Variants in MCCC1 observed in about 807,000 individuals in gnomAD.
MCCC1 encodes the protein methylcrotonoyl-CoA carboxylase subunit alpha, mitochondrial.
MCCC1 carries 64 observed loss-of-function variants against 83.8 expected under a neutral mutation model. The observed-to-expected ratio is 0.76, with a 90% CI of 0.62 to 0.94. The LOEUF is 0.94. Among genes scored for constraint, MCCC1 ranks in the 40% least tolerant of loss-of-function variants. MCCC1 has a pLI of 0.00. For missense variants in MCCC1, 807 were observed against 904.7 expected (o/e 0.89, Z 1.39); for synonymous variants, 322 against 315.4 (o/e 1.02, Z -0.22).
chr3:183,074,344 CA>C (rs142912416), intron 4 of MCCC1, among the ~76,000 whole-genome samples: 22 of 152,074 alleles, frequency 1.4e-4, no homozygotes, highest in East Asian at 1.2e-3. Context: ...AACACGCTGA[CA>C]GCAAAAAGGG....
At chr3:183,053,874 A>AT (rs1715194881) in intron 8 of MCCC1, among the ~76,000 whole-genome samples, 1 of 142,280 alleles carries the variant, frequency 7.0e-6, no homozygotes, top group Non-Finnish European at 1.5e-5. Flanking sequence ...AAGGCTATAA[A>AT]GAATTTTTTT....
At chr3:183,067,011 TG>T (rs1431850716) in intron 7 of MCCC1, among the ~76,000 whole-genome samples, 12 of 152,276 alleles carry the variant, frequency 7.9e-5, no homozygotes, top group Non-Finnish European at 1.6e-4. Flanking sequence ...TATAGTTATT[TG>T]CATAAATGCA....
intron 1 of MCCC1, among the ~76,000 whole-genome samples, chr3:183,112,477 C>G (rs73178993): frequency 0.12 from 18,319 of 151,956 alleles, 1,224 homozygotes; most frequent in East Asian, 0.21. Context: ...TTCTCTCATG[C>G]ATATGAGTTT....
rs7614207 is a variant in MCCC1, at chr3:183,066,414, C to T, written c.761+4585G>A. Among the ~76,000 whole-genome samples, 350 of 152,318 alleles carry T rather than the reference C, an allele frequency of 2.3e-3. 1 individual carries two copies. Among genetic ancestry groups the T allele is most frequent in the African/African-American group, 7.9e-3 (327 of 41,576 alleles). On this transcript the variant is annotated intron_variant, in intron 7 of 18. Coordinates refer to ENST00000265594, the MANE Select transcript of MCCC1 (RefSeq NM_020166.5). ...CCGCCTCCCAGGTTCAAGTGATTCT[C>T]GTGCCTCAGCCTCCCAAGTAGCTGG...
chr3:183,106,384 A>G (rs960672800), intron 1 of MCCC1, among the ~76,000 whole-genome samples: 1 of 152,204 alleles, frequency 6.6e-6, no homozygotes, highest in Admixed American at 6.5e-5. Context: ...AGAAAAACAC[A>G]TAATTTTAAA....
chr3:183,061,252 G>GT (rs888953094), intron 7 of MCCC1, among the ~76,000 whole-genome samples: 1 of 151,826 alleles, frequency 6.6e-6, no homozygotes. Flanking sequence ...TTTCTAAGTT[G>GT]TTTTTTTTCC....
At chr3:183,076,341 C>A (rs1324057209) in intron 4 of MCCC1, among the ~76,000 whole-genome samples, 1 of 152,138 alleles carries the variant, frequency 6.6e-6, no homozygotes, top group Admixed American at 6.5e-5. Flanking sequence ...AAGGTTTATT[C>A]ATGTTATGGA....
intron 4 of MCCC1, among the ~76,000 whole-genome samples, chr3:183,079,677 C>T (rs1027999690): frequency 2.0e-5 from 3 of 152,216 alleles, no homozygotes; most frequent in Admixed American, 6.5e-5. Flanking sequence ...CACAGCTCCA[C>T]TAGGCAGTAC....
chr3:183,076,557 TG>T (rs1385793594), intron 4 of MCCC1, among the ~76,000 whole-genome samples: 95 of 152,344 alleles, frequency 6.2e-4, no homozygotes, highest in African/African-American at 2.2e-3. Flanking sequence ...GGTCCTAATA[TG>T]GTAAGAATAC....
intron 4 of MCCC1, among the ~76,000 whole-genome samples, chr3:183,086,319 G>C (rs917566728): frequency 5.3e-5 from 8 of 152,176 alleles, no homozygotes; most frequent in African/African-American, 1.9e-4. Context: ...ATGAGACTGG[G>C]AAGTTGGGGT....
chr3:183,063,771 G>A lies in MCCC1; in HGVS notation c.762-6349C>T, dbSNP rs191445109. Reference sequence around the variant, plus strand: ...GAAGGGACAATACTAAGGAAATCCCGACCCAAAGCGGTGGGGTCTGGTAAC... The same window carrying A: ...GAAGGGACAATACTAAGGAAATCCCAACCCAAAGCGGTGGGGTCTGGTAAC... On this transcript the variant is annotated intron_variant, in intron 7 of 18. Coordinates refer to ENST00000265594, the MANE Select transcript of MCCC1 (RefSeq NM_020166.5). 4.3e-3 allele frequency among the ~76,000 whole-genome samples: 649 copies of A among 152,204 alleles called. 11 individuals carry two copies. Among genetic ancestry groups the A allele is most frequent in the Non-Finnish European group, 1.6e-3 (111 of 68,026 alleles).
chr3:183,019,654 C>T (rs1339583386), intron 17 of MCCC1, among the ~76,000 whole-genome samples: 2 of 152,176 alleles, frequency 1.3e-5, no homozygotes, highest in Non-Finnish European at 2.9e-5. Context: ...TGAACTGACT[C>T]AGACAGTATG....
chr3:183,071,211 T>A lies in MCCC1; in HGVS notation c.638A>T (p.Lys213Ile). The change falls in exon 6 of 19, where the codon AAA becomes ATA. Residue 213 changes from lysine to isoleucine, a missense_variant and splice_region_variant. Transcript: ENST00000265594. ...AAACACAAGCATGCACAATCTTACTTTTCCTCCTCCACCCCGGACGGCTTT... is the reference window on the plus strand; with the variant it reads ...AAACACAAGCATGCACAATCTTACTATTCCTCCTCCACCCCGGACGGCTTT... ...MIKAVRGGGG[K>I]GMRIVRSEQE... 6.2e-7 allele frequency: 1 copy of A among 1,614,148 alleles called. No homozygotes were observed. Among genetic ancestry groups the A allele is most frequent in the South Asian group, 1.1e-5 (1 of 91,090 alleles).
chr3:183,039,368 T>C (rs1415595084), intron 11 of MCCC1, among the ~76,000 whole-genome samples: 1 of 152,170 alleles, frequency 6.6e-6, no homozygotes, highest in Non-Finnish European at 1.5e-5. Flanking sequence ...GGTGATTCAA[T>C]GGCACACAAG....
chr3:183,063,059 C>T (rs1020737121), intron 7 of MCCC1, among the ~76,000 whole-genome samples: 1 of 152,148 alleles, frequency 6.6e-6, no homozygotes, highest in African/African-American at 2.4e-5. Context: ...CCTAGGCTCA[C>T]TACAAGCTCC....
At chr3:183,102,815 C>T (rs1577382659), upstream of MCCC1, among the ~76,000 whole-genome samples, 2 of 75,488 alleles carry the variant, frequency 2.6e-5, no homozygotes, top group African/African-American at 4.7e-5. Context: ...GAGACGAAGT[C>T]TCTCTCTGTT....
chr3:183,051,053 C>T (rs1313699419), intron 9 of MCCC1, among the ~76,000 whole-genome samples: 2 of 152,180 alleles, frequency 1.3e-5, no homozygotes, highest in African/African-American at 4.8e-5. Context: ...AACAGGAAAC[C>T]TCTTTTGTTG....
chr3:183,054,246 C>T lies in MCCC1; in HGVS notation c.874-2006G>A, dbSNP rs556022599. On this transcript the variant is annotated intron_variant, in intron 8 of 18. Coordinates refer to ENST00000265594, the MANE Select transcript of MCCC1 (RefSeq NM_020166.5). ...TGTCGCCCAGGCTGGAGTGCAGTGG[C>T]GCGATCTCGGCTCACTGCAAGCTCC... 8.9e-5 allele frequency among the ~76,000 whole-genome samples: 13 copies of T among 146,562 alleles called. No individual in the cohort carries two copies. In the East Asian group the frequency reaches 1.5e-3, roughly 16 times the overall value.
rs565671439 is a variant in MCCC1, at chr3:183,030,310, A to G, written c.1681+3681T>C. On this transcript the variant is annotated intron_variant, in intron 14 of 18. Coordinates refer to ENST00000265594, the MANE Select transcript of MCCC1 (RefSeq NM_020166.5). ...GCAACAGAATGAGAGACTCCGTCTCAAAACAAAACACAAAAAACCAATACA... is the reference window on the plus strand; with the variant it reads ...GCAACAGAATGAGAGACTCCGTCTCGAAACAAAACACAAAAAACCAATACA... Among the ~76,000 whole-genome samples, 3 of 152,324 alleles carry G rather than the reference A, an allele frequency of 2.0e-5. No homozygotes were observed. The East Asian group carries it at 5.8e-4, about 29-fold the overall frequency.
Sources: allele counts gnomAD v4.1 joint callset (sites outside exome capture counted in the v4.1 genomes callset), GRCh38; gene constraint gnomAD v4.1.1; transcripts MANE v1.5; gene names NCBI Gene and HGNC (gene_info 2026-07-23, HGNC 2026-07-21).